Variants in ATP2B2 observed in about 807,000 individuals in gnomAD.
The protein encoded by ATP2B2 is ATPase plasma membrane Ca2+ transporting 2, also known as plasma membrane calcium-transporting ATPase 2.
In ATP2B2, 15 loss-of-function variants were observed where a neutral mutation model predicts 120.0. That is an observed-to-expected ratio of 0.12 (90% confidence interval 0.08 to 0.19). The LOEUF (loss-of-function observed/expected upper bound fraction) is 0.19, where lower values mean the gene tolerates loss of function less well. Among genes scored for constraint, ATP2B2 ranks in the 10% least tolerant of loss-of-function variants. ATP2B2 has a pLI of 1.00. For missense variants in ATP2B2, 1,045 were observed against 1,719.8 expected (o/e 0.61, Z 6.94); for synonymous variants, 694 against 700.3 (o/e 0.99, Z 0.14).
chr3:10,568,645 C>A (rs935010243), intron 2 of ATP2B2, among the ~76,000 whole-genome samples: 1 of 152,234 alleles, frequency 6.6e-6, no homozygotes, highest in African/African-American at 2.4e-5. Flanking sequence ...CAGGAAACCA[C>A]GGCCTCCTGT....
chr3:10,403,654 A>T (rs2062307827), intron 3 of ATP2B2, among the ~76,000 whole-genome samples: 1 of 152,186 alleles, frequency 6.6e-6, no homozygotes, highest in East Asian at 1.9e-4. Flanking sequence ...GCATCGGATC[A>T]TCCTTCCTGC....
intron 1 of ATP2B2, among the ~76,000 whole-genome samples, chr3:10,689,962 C>G (rs536353228): frequency 6.6e-6 from 1 of 152,314 alleles, no homozygotes; most frequent in East Asian, 1.9e-4. Flanking sequence ...AGAAGCTCTA[C>G]AGAGAGTCCA....
At chr3:10,493,023 G>A (rs1027031081) in intron 1 of ATP2B2, among the ~76,000 whole-genome samples, 3 of 151,984 alleles carry the variant, frequency 2.0e-5, no homozygotes, top group Non-Finnish European at 2.9e-5. Flanking sequence ...CAATTCATTT[G>A]TTCATTCATT....
chr3:10,458,076 C>T (rs1230074609), intron 1 of ATP2B2, among the ~76,000 whole-genome samples: 1 of 152,098 alleles, frequency 6.6e-6, no homozygotes, highest in Non-Finnish European at 1.5e-5. Flanking sequence ...ACCATCCATC[C>T]GTCTATCCAT....
At chr3:10,381,307 T>C (rs1048077261) in intron 8 of ATP2B2, among the ~76,000 whole-genome samples, 9 of 152,238 alleles carry the variant, frequency 5.9e-5, no homozygotes, top group Non-Finnish European at 1.0e-4. Flanking sequence ...TAAGCAGGAA[T>C]GAATAACAAC....
At chr3:10,690,395 G>C (rs1004684107) in intron 1 of ATP2B2, among the ~76,000 whole-genome samples, 26 of 152,012 alleles carry the variant, frequency 1.7e-4, no homozygotes, top group Admixed American at 1.7e-3. Context: ...GATGGATAGA[G>C]AGCTAACATA....
At chr3:10,469,023 G>A (rs150751372) in intron 1 of ATP2B2, among the ~76,000 whole-genome samples, 55 of 152,352 alleles carry the variant, frequency 3.6e-4, no homozygotes, top group Non-Finnish European at 6.0e-4. Context: ...GAATTTCAGG[G>A]CAAATTGTTC....
intron 22 of ATP2B2, among the ~76,000 whole-genome samples, chr3:10,337,904 T>C (rs111711464): frequency 6.6e-6 from 1 of 152,096 alleles, no homozygotes; most frequent in Non-Finnish European, 1.5e-5. Context: ...CTCAGGGAAA[T>C]CCCCCTGGAG....
At chr3:10,449,237 T>C (rs2063945416) in intron 2 of ATP2B2, 108 bp downstream of exon 2, 6 of 1,276,438 alleles carry the variant, frequency 4.7e-6, no homozygotes, top group Non-Finnish European at 5.5e-6. Context: ...CATTTCAGCC[T>C]TTCTCTGACA....
intron 1 of ATP2B2, among the ~76,000 whole-genome samples, chr3:10,495,736 C>T (rs573969145): frequency 6.6e-6 from 1 of 152,328 alleles, no homozygotes; most frequent in Admixed American, 6.5e-5. Context: ...TCCCTGAGTG[C>T]AGGAGTGGCC....
chr3:10,337,989 C>T (rs575108748), intron 22 of ATP2B2, among the ~76,000 whole-genome samples, 187 bp downstream of exon 22: 9 of 152,310 alleles, frequency 5.9e-5, no homozygotes, highest in East Asian at 1.9e-4. Flanking sequence ...CTGAGGAGGC[C>T]GTGCTGTTCC....
chr3:10,488,139 TCC>T (rs2065768984), intron 1 of ATP2B2, among the ~76,000 whole-genome samples: 1 of 84,042 alleles, frequency 1.2e-5, no homozygotes, highest in Non-Finnish European at 2.5e-5. Context: ...CCATCCATCC[TCC>T]CACCCACCCA....
intron 2 of ATP2B2, among the ~76,000 whole-genome samples, chr3:10,541,614 G>A (rs1029595105): frequency 7.9e-5 from 12 of 151,940 alleles, no homozygotes; most frequent in South Asian, 2.1e-4. Context: ...TGATTCCACC[G>A]TGGCCAGAGA....
Position 10,498,127 on chromosome 3 carries a change from A to G in ATP2B2, c.-320+7338T>C, listed in dbSNP as rs1026862882. ...CCTGGCTTCAGAAATGTCAAAATGT[A>G]TATCTTGGAATCCGCACAGTTCAGT... On this transcript the variant is annotated intron_variant, in intron 1 of 22. Transcript: ENST00000360273. Among the ~76,000 whole-genome samples the G allele has an allele frequency of 4.6e-5, 7 of 152,344 alleles. No individual in the cohort carries two copies. The East Asian group carries it at 7.7e-4, about 17-fold the overall frequency.
At chr3:10,606,822 C>T (rs2069079985) in intron 2 of ATP2B2, among the ~76,000 whole-genome samples, 1 of 151,458 alleles carries the variant, frequency 6.6e-6, no homozygotes, top group Non-Finnish European at 1.5e-5. Context: ...ACTGCTGTAT[C>T]CCCAGGGCCT....
At chr3:10,458,401 C>T (rs1275074542) in intron 1 of ATP2B2, among the ~76,000 whole-genome samples, 3 of 151,960 alleles carry the variant, frequency 2.0e-5, no homozygotes, top group African/African-American at 7.3e-5. Flanking sequence ...GAATCAGATC[C>T]ACTCAGTTTT....
intron 1 of ATP2B2, among the ~76,000 whole-genome samples, chr3:10,450,945 A>C (rs951903594): frequency 1.1e-4 from 17 of 152,142 alleles, no homozygotes; most frequent in Admixed American, 1.1e-3. Context: ...AGTCATGGAC[A>C]GCTGGCCATC....
intron 2 of ATP2B2, among the ~76,000 whole-genome samples, chr3:10,613,314 G>A (rs930662272): frequency 1.3e-5 from 2 of 152,126 alleles, no homozygotes; most frequent in Admixed American, 6.5e-5. Flanking sequence ...TCATAAAAGC[G>A]GCACTTCTCT....
intron 1 of ATP2B2, among the ~76,000 whole-genome samples, chr3:10,504,062 CTG>C (rs1219562535): frequency 2.6e-5 from 4 of 152,180 alleles, no homozygotes; most frequent in African/African-American, 9.7e-5. Flanking sequence ...ATATTTGTAT[CTG>C]TGCATATGTG....
Sources: allele counts gnomAD v4.1 joint callset (sites outside exome capture counted in the v4.1 genomes callset), GRCh38; gene constraint gnomAD v4.1.1; transcripts MANE v1.5; gene names NCBI Gene and HGNC (gene_info 2026-07-23, HGNC 2026-07-21).